Variants in SLC10A6 observed in about 807,000 individuals in gnomAD.
The protein encoded by SLC10A6 is solute carrier family 10 member 6.
In SLC10A6, 27 loss-of-function variants were observed where a neutral mutation model predicts 30.0. That is an observed-to-expected ratio of 0.90 (90% CI 0.66 to 1.24). The LOEUF is 1.24. Ranked by LOEUF, SLC10A6 falls within the 50% of genes most tolerant of loss-of-function variation. The pLI, the probability that SLC10A6 is intolerant of heterozygous loss-of-function variation, is 0.00. For missense variants in SLC10A6, 439 were observed against 457.0 expected (o/e 0.96, Z 0.36); for synonymous variants, 166 against 173.8 (o/e 0.95, Z 0.36).
chr4:86,841,849 G>A (rs975968478), intron 1 of SLC10A6, among the ~76,000 whole-genome samples: 1 of 152,166 alleles, frequency 6.6e-6, no homozygotes, highest in Non-Finnish European at 1.5e-5. Context: ...GACACGGAGT[G>A]AGCTATAAGA....
intron 1 of SLC10A6, 96 bp from the exon 2 acceptor site, chr4:86,833,520 G>A (rs1560459447): frequency 1.2e-6 from 1 of 843,918 alleles, no homozygotes; most frequent in African/African-American, 1.7e-5. Context: ...ATTTCCTAGA[G>A]ATTACATGGA....
At chr4:86,826,314 C>T (rs1408088756) in intron 4 of SLC10A6, among the ~76,000 whole-genome samples, 1 of 152,188 alleles carries the variant, frequency 6.6e-6, no homozygotes, top group Non-Finnish European at 1.5e-5. Context: ...CACAGTGGCT[C>T]ACGCCTGTAA....
At chr4:86,834,125 T>A (rs1746137432) in intron 1 of SLC10A6, among the ~76,000 whole-genome samples, 1 of 152,200 alleles carries the variant, frequency 6.6e-6, no homozygotes, top group Admixed American at 6.5e-5. Flanking sequence ...CAGGGGCAGA[T>A]CCCTCATGAA....
At chr4:86,828,599 C>T (rs750054374) in intron 3 of SLC10A6, among the ~76,000 whole-genome samples, 4 of 152,012 alleles carry the variant, frequency 2.6e-5, no homozygotes, top group Non-Finnish European at 5.9e-5. Flanking sequence ...TGCCTCCCCT[C>T]CCACCGCCCC....
intron 1 of SLC10A6, among the ~76,000 whole-genome samples, chr4:86,839,061 T>C (rs1219307522): frequency 1.3e-5 from 2 of 152,092 alleles, no homozygotes; most frequent in Non-Finnish European, 2.9e-5. Flanking sequence ...TCTACTCTTT[T>C]ATTTTTCTTT....
Position 86,832,031 on chromosome 4 carries a change from C to T in SLC10A6, c.497-151G>A, listed in dbSNP as rs1746089860. ...TCTGGATAAATGCCTACAATATTGG[C>T]TCCAAAGTTATATAAGCTGCTCATA... is the stretch of plus-strand genomic sequence containing the variant. On this transcript the variant is annotated intron_variant, in intron 2 of 5. Coordinates refer to ENST00000273905, the MANE Select transcript of SLC10A6 (RefSeq NM_197965.3). 6.0e-6 allele frequency: 4 copies of T among 663,262 alleles called. No individual in the cohort carries two copies. In the Admixed American group the frequency reaches 7.6e-5, roughly 13 times the overall value. The allele number at this position is 663,262 out of a possible 1,614,324, so 41.1% of individuals were successfully genotyped here.
In SLC10A6 at chr4:86,838,779, C is replaced by T. The variant is rs557317767; in HGVS notation, c.378-5355G>A. 3.3e-5 allele frequency among the ~76,000 whole-genome samples: 5 copies of T among 151,390 alleles called. No individual in the cohort carries two copies. The East Asian group carries it at 9.7e-4, about 29-fold the overall frequency. The stretch of plus-strand genomic sequence containing the variant: ...CTCTAAAAAAAATACAAAAATTAGC[C>T]GGGCATGGTGGCACACGCCTGTAAT... On this transcript the variant is annotated intron_variant, in intron 1 of 5. Coordinates refer to ENST00000273905, the MANE Select transcript of SLC10A6 (RefSeq NM_197965.3).
chr4:86,823,817 C>A lies in SLC10A6; in HGVS notation c.1005G>T (p.Ser335=), dbSNP rs149919322. ...GCTEVCHTRK[S]TSSRETNAFL... ...AGGCATTGGTCTCTCTGGAAGAAGTCGATTTCCTCGTATGGCAGACTTCTG... is the reference window on the plus strand; with the variant it reads ...AGGCATTGGTCTCTCTGGAAGAAGTAGATTTCCTCGTATGGCAGACTTCTG... Residue 335 remains serine (S), a synonymous_variant, in exon 6 of 6, where the codon TCG becomes TCT. Transcript: ENST00000273905. 2 of 1,614,174 alleles carry A rather than the reference C, an allele frequency of 1.2e-6. No individual in the cohort carries two copies. Among genetic ancestry groups the A allele is most frequent in the South Asian group, 1.1e-5 (1 of 91,052 alleles).
chr4:86,824,256 G>A (rs1240336288), intron 5 of SLC10A6, among the ~76,000 whole-genome samples: 1 of 152,132 alleles, frequency 6.6e-6, no homozygotes, highest in Non-Finnish European at 1.5e-5. Flanking sequence ...CCTGGGTTCT[G>A]GGCTAGAGCT....
intron 1 of SLC10A6, among the ~76,000 whole-genome samples, chr4:86,839,595 AAT>A (rs1398063497): frequency 1.3e-5 from 2 of 152,216 alleles, no homozygotes; most frequent in Non-Finnish European, 2.9e-5. Flanking sequence ...CCATAATCTA[AAT>A]ATGCCATAAT....
intron 4 of SLC10A6, among the ~76,000 whole-genome samples, chr4:86,825,852 AAAGGCCACGC>A (rs1275479908): frequency 6.6e-6 from 1 of 152,284 alleles, no homozygotes; most frequent in Non-Finnish European, 1.5e-5. Context: ...AAGTATGGCC[AAAGGCCACGC>A]AGATGTAGAA....
Position 86,849,215 on chromosome 4 carries a change from A to G in SLC10A6, c.-100T>C. On this transcript the variant is annotated 5_prime_UTR_variant, in exon 1 of 6. The change abolishes an upstream ATG in the 5' untranslated region. Coordinates refer to ENST00000273905, the MANE Select transcript of SLC10A6 (RefSeq NM_197965.3). Reference sequence around the variant, plus strand: ...TTGTAATAGTGCAACGAAGTCACACATGGAGAATCATTCCAATAACTGTTG... The same window carrying G: ...TTGTAATAGTGCAACGAAGTCACACGTGGAGAATCATTCCAATAACTGTTG... The G allele has an allele frequency of 1.5e-6, 2 of 1,365,132 alleles. No individual in the cohort carries two copies. Among genetic ancestry groups the G allele is most frequent in the Non-Finnish European group, 2.0e-6 (2 of 1,003,736 alleles). 84.6% of individuals were successfully genotyped at this position (1,365,132 alleles called of 1,614,324 possible). A position where few individuals can be genotyped will look rare whatever the true frequency, so the allele number is the denominator to read the frequency against.
intron 1 of SLC10A6, among the ~76,000 whole-genome samples, chr4:86,838,421 C>A (rs1246234942): frequency 6.6e-6 from 1 of 152,104 alleles, no homozygotes; most frequent in Non-Finnish European, 1.5e-5. Context: ...TGGAAGAGCT[C>A]GTTAAATACT....
intron 1 of SLC10A6, among the ~76,000 whole-genome samples, chr4:86,843,007 C>CAT (rs1202528607): frequency 2.6e-5 from 4 of 151,378 alleles, no homozygotes; most frequent in Non-Finnish European, 1.5e-5. Context: ...GAGTAGCTGG[C>CAT]ATTACAGGCA....
chr4:86,832,972 C>T (rs1024788684), intron 2 of SLC10A6, among the ~76,000 whole-genome samples: 3 of 151,950 alleles, frequency 2.0e-5, no homozygotes, highest in African/African-American at 7.3e-5. Context: ...GGTTTGATTC[C>T]TGCTTTTTCA....
At chr4:86,832,940 C>T (rs1240924720) in intron 2 of SLC10A6, among the ~76,000 whole-genome samples, 1 of 152,004 alleles carries the variant, frequency 6.6e-6, no homozygotes, top group Admixed American at 6.6e-5. Context: ...AGTCCAATTG[C>T]TTTATAGTCT....
At chr4:86,830,816 A>C (rs1746065005) in intron 3 of SLC10A6, among the ~76,000 whole-genome samples, 1 of 152,240 alleles carries the variant, frequency 6.6e-6, no homozygotes, top group Non-Finnish European at 1.5e-5. Flanking sequence ...CTTCTTTATA[A>C]ATGTAAAATA....
intron 1 of SLC10A6, among the ~76,000 whole-genome samples, chr4:86,841,087 C>T (rs1746281718): frequency 6.6e-6 from 1 of 152,166 alleles, no homozygotes; most frequent in Non-Finnish European, 1.5e-5. Flanking sequence ...TTACTAAGTC[C>T]TGAATGGAAT....
chr4:86,826,538 C>CA (rs111240225), intron 4 of SLC10A6, among the ~76,000 whole-genome samples: 22,004 of 141,920 alleles, frequency 0.16, 2,143 homozygotes, highest in African/African-American at 0.28. Flanking sequence ...GCCTGGGCAA[C>CA]GAGGTCTCAA....
Sources: gnomAD v4.1 joint callset for allele counts (sites outside exome capture counted in the v4.1 genomes callset) on GRCh38, gnomAD v4.1.1 for gene constraint, MANE v1.5 for transcripts, NCBI Gene and HGNC (gene_info 2026-07-23, HGNC 2026-07-21) for gene names.